DLGAP1: variants seen among roughly 807,000 people sequenced by gnomAD.
DLGAP1 encodes disks large-associated protein 1.
A neutral mutation model predicts 90.8 loss-of-function variants in DLGAP1; 11 were observed. The ratio of observed to expected loss-of-function variants is 0.12; its 90% confidence interval spans 0.08 to 0.20. DLGAP1 has a LOEUF of 0.20. Among genes scored for constraint, DLGAP1 ranks in the 10% least tolerant of loss-of-function variants. The pLI is 1.00. For synonymous variants in DLGAP1, 558 were observed against 540.7 expected, an observed-to-expected ratio of 1.03 and a Z score of -0.44; for missense variants, 1,050 against 1,333.8, an observed-to-expected ratio of 0.79 and a Z score of 3.31.
intron 3 of DLGAP1, among the ~76,000 whole-genome samples, chr18:3,933,341 C>G (rs1185566910): frequency 1.3e-5 from 2 of 152,174 alleles, no homozygotes; most frequent in Non-Finnish European, 2.9e-5. Context: ...AATTGATCAT[C>G]ACGGTTCAGG....
Position 3,533,940 on chromosome 18 carries a change from A to G in DLGAP1, c.2479+254T>C, listed in dbSNP as rs1599098976. Among the ~76,000 whole-genome samples the G allele has an allele frequency of 2.0e-5, 3 of 152,276 alleles. No homozygotes were observed. The East Asian group carries it at 5.8e-4, about 29-fold the overall frequency. ...CCTCCACACAGAGCTTGGTATTTTC[A>G]GAAAGAAAAAGAACGTCATGGGCCT... is the stretch of plus-strand genomic sequence containing the variant. On this transcript the variant is annotated intron_variant, in intron 10 of 12. Transcript: ENST00000315677.
intron 3 of DLGAP1, among the ~76,000 whole-genome samples, chr18:3,926,421 T>C (rs9303933): frequency 0.69 from 88,765 of 129,290 alleles, 27,163 homozygotes; most frequent in Non-Finnish European, 0.71. Context: ...TATATATATA[T>C]ACACACACAC....
chr18:4,166,605 G>A (rs539125323), intron 1 of DLGAP1, among the ~76,000 whole-genome samples: 12 of 152,286 alleles, frequency 7.9e-5, no homozygotes, highest in African/African-American at 2.2e-4. Flanking sequence ...GTATACTACT[G>A]TTCACAGCAG....
At chr18:4,214,256 C>T (rs1386917554) in intron 1 of DLGAP1, among the ~76,000 whole-genome samples, 4 of 151,260 alleles carry the variant, frequency 2.6e-5, no homozygotes, top group African/African-American at 9.7e-5. Flanking sequence ...AGATGGGAAC[C>T]GGAGTCGTGG....
intron 3 of DLGAP1, chr18:3,995,799 G>C (rs1008956649): frequency 3.3e-5 from 5 of 150,902 alleles, no homozygotes; most frequent in Non-Finnish European, 7.4e-5. Context: ...GAGAATGTAA[G>C]ATATCTTTCT....
chr18:4,437,650 C>T (rs2083434101), intron 1 of DLGAP1, among the ~76,000 whole-genome samples: 1 of 152,148 alleles, frequency 6.6e-6, no homozygotes, highest in African/African-American at 2.4e-5. Flanking sequence ...GATGCAGAAA[C>T]CATGGATACA....
chr18:4,450,444 A>G (rs1374294201), intron 1 of DLGAP1, among the ~76,000 whole-genome samples: 1 of 152,192 alleles, frequency 6.6e-6, no homozygotes, highest in Admixed American at 6.5e-5. Flanking sequence ...CACCAGAGTA[A>G]AGCAGCAAAG....
At chr18:3,920,309 C>A (rs1302291701) in intron 3 of DLGAP1, among the ~76,000 whole-genome samples, 1 of 132,786 alleles carries the variant, frequency 7.5e-6, no homozygotes, top group East Asian at 2.5e-4. Context: ...GCAGAGATTG[C>A]GGCACTATAC....
At position 3,591,134 on chromosome 18, in the gene DLGAP1, GAACATTT is replaced by G. The variant is rs1336741672; in HGVS notation, c.1592-8893_1592-8887del. 1.3e-3 allele frequency among the ~76,000 whole-genome samples: 196 copies of G among 152,200 alleles called. 1 individual carries two copies. The highest frequency in any genetic ancestry group is 2.1e-3 in the Non-Finnish European group (145 of 68,014). Reference sequence around the variant, plus strand: ...GAGATAGGCTGAGAAGCACTGAAAAGAACATTTGCAAATCCAGGGAACAGGGCAGAGG... The same window carrying G: ...GAGATAGGCTGAGAAGCACTGAAAAGGCAAATCCAGGGAACAGGGCAGAGG... On this transcript the variant is annotated intron_variant, in intron 7 of 12. Coordinates refer to ENST00000315677, the MANE Select transcript of DLGAP1 (RefSeq NM_004746.4).
At chr18:4,008,640 T>C (rs1319785811) in intron 2 of DLGAP1, among the ~76,000 whole-genome samples, 1 of 152,202 alleles carries the variant, frequency 6.6e-6, no homozygotes, top group East Asian at 1.9e-4. Flanking sequence ...TGTGAAAGTG[T>C]TTTATTCTCA....
chr18:3,950,074 C>T (rs2072954087), intron 3 of DLGAP1, among the ~76,000 whole-genome samples: 6 of 152,156 alleles, frequency 3.9e-5, no homozygotes, highest in Admixed American at 3.9e-4. Flanking sequence ...CTAAACATCT[C>T]CATGTTCAAG....
At chr18:4,029,492 G>C (rs1476879397) in intron 2 of DLGAP1, among the ~76,000 whole-genome samples, 2 of 151,902 alleles carry the variant, frequency 1.3e-5, no homozygotes, top group Non-Finnish European at 2.9e-5. Flanking sequence ...TCCATCTAAC[G>C]GCCTCTTAAT....
At position 3,539,332 on chromosome 18, in the gene DLGAP1, C is replaced by A. The variant is rs549456406; in HGVS notation, c.2058-4717G>T. ...ACCCAGTGGCTTGCTGTTTCCCAAC[C>A]CACAGTTTTCAATCTTGAAGCTTCC... On this transcript the variant is annotated intron_variant, in intron 9 of 12. Transcript: ENST00000315677. Among the ~76,000 whole-genome samples the A allele has an allele frequency of 1.9e-4, 29 of 152,298 alleles. No homozygotes were observed. The East Asian group carries it at 4.6e-3, about 24-fold the overall frequency.
intron 7 of DLGAP1, among the ~76,000 whole-genome samples, chr18:3,717,282 G>T (rs565081064): frequency 7.2e-5 from 11 of 152,258 alleles, no homozygotes; most frequent in African/African-American, 2.6e-4. Context: ...TATAGACAGA[G>T]ATTTGAGACC....
chr18:4,108,116 C>T (rs1370570719), intron 2 of DLGAP1, among the ~76,000 whole-genome samples: 1 of 152,168 alleles, frequency 6.6e-6, no homozygotes, highest in Non-Finnish European at 1.5e-5. Flanking sequence ...GCCATAGAAG[C>T]TAGAATTCCC....
chr18:4,391,851 C>G (rs1043902984), intron 1 of DLGAP1, among the ~76,000 whole-genome samples: 7 of 151,656 alleles, frequency 4.6e-5, no homozygotes, highest in Non-Finnish European at 1.0e-4. Context: ...AGAAGCAGTC[C>G]AGCCTCATTC....
chr18:4,069,871 G>C (rs1037877822), intron 2 of DLGAP1, among the ~76,000 whole-genome samples: 2 of 152,162 alleles, frequency 1.3e-5, no homozygotes. Context: ...ATGTTAGCAT[G>C]TTTAATGCAA....
chr18:4,037,067 T>C (rs1177469060), intron 2 of DLGAP1, among the ~76,000 whole-genome samples: 1 of 152,154 alleles, frequency 6.6e-6, no homozygotes, highest in Non-Finnish European at 1.5e-5. Flanking sequence ...TGCTCATTGA[T>C]TGTGAGAAGT....
intron 3 of DLGAP1, among the ~76,000 whole-genome samples, chr18:3,998,123 G>C (rs1025076150): frequency 1.3e-5 from 2 of 152,098 alleles, no homozygotes; most frequent in African/African-American, 4.8e-5. Flanking sequence ...TTCATTAAAG[G>C]TTGCAAAATG....
Sources: gnomAD v4.1 joint callset for allele counts (sites outside exome capture counted in the v4.1 genomes callset) on GRCh38, gnomAD v4.1.1 for gene constraint, MANE v1.5 for transcripts, NCBI Gene and HGNC (gene_info 2026-07-23, HGNC 2026-07-21) for gene names.